R3HDM2: variants seen among roughly 807,000 people sequenced by gnomAD.
R3HDM2 encodes R3H domain-containing protein 2.
Under a neutral mutation model 124.5 loss-of-function variants are expected in R3HDM2, and 38 were observed. That is an observed-to-expected ratio of 0.31 (90% CI 0.24 to 0.40). The LOEUF (loss-of-function observed/expected upper bound fraction) is 0.40. R3HDM2 is among the 10% of genes least tolerant of loss of function. The probability of loss-of-function intolerance (pLI) is 1.00; values close to 1 mark genes in which losing one functional copy is unlikely to be tolerated. For synonymous variants in R3HDM2, 391 were observed against 448.0 expected, an observed-to-expected ratio of 0.87 and a Z score of 1.61; for missense variants, 869 against 1,236.9, an observed-to-expected ratio of 0.70 and a Z score of 4.46.
At chr12:57,353,873 TGAGA>T (rs1478823910) in intron 2 of R3HDM2, among the ~76,000 whole-genome samples, 2 of 152,212 alleles carry the variant, frequency 1.3e-5, no homozygotes, top group Non-Finnish European at 2.9e-5. Context: ...TTTATTTTTT[TGAGA>T]AAGAGTCTCG....
In R3HDM2 at chr12:57,284,051, T is replaced by G. The variant is rs1264278054; in HGVS notation, c.944A>C (p.Asn315Thr). The G allele has an allele frequency of 1.3e-6, 2 of 1,594,990 alleles. No homozygotes were observed. The highest frequency in any genetic ancestry group is 1.7e-6 in the Non-Finnish European group (2 of 1,170,962). ...QNGYLNDIRG[N>T]REGLSRTSSS... is the part of the protein sequence containing the mutation. ...TGAGGTGCGGCTCAGTCCTTCACGG[T>G]TCCCCCTGCAGAGACCATAGTGGTC... is the stretch of plus-strand genomic sequence containing the variant. The change falls in exon 13 of 24, where the codon AAC (asparagine) becomes ACC (threonine). Residue 315 changes from asparagine to threonine, a missense_variant. Asn to Thr is a moderately conservative substitution (Grantham distance 65). This residue lies in a region of R3HDM2 where 267 missense variants were observed against 447.7 expected (regional missense o/e 0.60). Transcript: ENST00000402412.
At chr12:57,281,940 G>A (rs550496709) in intron 13 of R3HDM2, among the ~76,000 whole-genome samples, 6 of 152,296 alleles carry the variant, frequency 3.9e-5, no homozygotes, top group African/African-American at 1.4e-4. Flanking sequence ...ATTTAAAGAG[G>A]GGTCAGCAGG....
intron 2 of R3HDM2, among the ~76,000 whole-genome samples, chr12:57,366,512 C>G (rs867594377): frequency 6.6e-6 from 1 of 152,310 alleles, no homozygotes. Flanking sequence ...ACTTAACATG[C>G]ATTCTCTGAA....
intron 2 of R3HDM2, among the ~76,000 whole-genome samples, chr12:57,340,214 G>T (rs955963400): frequency 6.6e-6 from 1 of 152,136 alleles, no homozygotes; most frequent in African/African-American, 2.4e-5. Context: ...TAATTTCACA[G>T]CAGTTTTCTT....
At chr12:57,316,291 G>C (rs1447125206) in intron 2 of R3HDM2, among the ~76,000 whole-genome samples, 1 of 152,180 alleles carries the variant, frequency 6.6e-6, no homozygotes, top group African/African-American at 2.4e-5. Flanking sequence ...TACATGATCA[G>C]GGAAGGAGAC....
At chr12:57,275,607 G>A (rs575368541) in intron 14 of R3HDM2, among the ~76,000 whole-genome samples, 6 of 150,664 alleles carry the variant, frequency 4.0e-5, no homozygotes, top group African/African-American at 1.5e-4. Flanking sequence ...AATCTACGAC[G>A]AACTCAAATA....
At chr12:57,325,205 C>T (rs370114823) in intron 2 of R3HDM2, among the ~76,000 whole-genome samples, 17 of 152,264 alleles carry the variant, frequency 1.1e-4, no homozygotes, top group African/African-American at 3.9e-4. Flanking sequence ...TGCAGTGGCA[C>T]GATCTCGGCT....
At chr12:57,347,469 G>A (rs917942559) in intron 2 of R3HDM2, among the ~76,000 whole-genome samples, 3 of 151,788 alleles carry the variant, frequency 2.0e-5, no homozygotes. Context: ...ATCACTCAAA[G>A]GCAAAACAAC....
intron 1 of R3HDM2, chr12:57,418,127 A>G: frequency 1.0e-6 from 1 of 982,270 alleles, no homozygotes; most frequent in African/African-American, 1.7e-5. Flanking sequence ...CTCTAATCCC[A>G]AACCTACCCT....
rs1213676825 is a variant in R3HDM2, at chr12:57,254,917, C to T, written c.2829G>A (p.Leu943=). 1 of 1,614,132 alleles carries T rather than the reference C, an allele frequency of 6.2e-7. No homozygotes were observed. The highest frequency in any genetic ancestry group is 1.7e-5 in the Admixed American group (1 of 60,020). The part of the protein sequence containing the change: ...ENGRHSDLAA[L]YTIVAVFPSP... Reference sequence around the variant, plus strand: ...TGGGGAACACAGCCACAATGGTGTACAAGGCAGCGAGGTCCGAGTGGCGGC... The same window carrying T: ...TGGGGAACACAGCCACAATGGTGTATAAGGCAGCGAGGTCCGAGTGGCGGC... Residue 943 remains leucine (L), a synonymous_variant, in exon 24 of 24, where the codon TTG becomes TTA. Coordinates refer to ENST00000402412, the MANE Select transcript of R3HDM2 (RefSeq NM_001394031.1).
chr12:57,414,755 C>G (rs529814899), intron 1 of R3HDM2, among the ~76,000 whole-genome samples: 46 of 151,348 alleles, frequency 3.0e-4, no homozygotes, highest in Non-Finnish European at 5.3e-4. Flanking sequence ...ATCACTTGTA[C>G]CCAGTAGGAG....
intron 13 of R3HDM2, among the ~76,000 whole-genome samples, chr12:57,283,455 T>G (rs1045513743): frequency 6.1e-4 from 93 of 152,298 alleles, no homozygotes; most frequent in African/African-American, 1.7e-3. Context: ...AAAGTAAATA[T>G]GGGCTGGGCG....
intron 19 of R3HDM2, among the ~76,000 whole-genome samples, chr12:57,260,013 C>T (rs530885928): frequency 1.3e-4 from 20 of 152,046 alleles, no homozygotes; most frequent in African/African-American, 4.6e-4. Flanking sequence ...GCTGTAATCC[C>T]GGCACTTTGG....
chr12:57,321,460 G>A (rs1009481742), intron 2 of R3HDM2, among the ~76,000 whole-genome samples: 9 of 152,090 alleles, frequency 5.9e-5, no homozygotes, highest in Admixed American at 2.6e-4. Context: ...AGACCAGCCT[G>A]ACCAACATGG....
intron 2 of R3HDM2, among the ~76,000 whole-genome samples, chr12:57,331,789 C>T (rs1187529084): frequency 6.6e-6 from 1 of 151,964 alleles, no homozygotes; most frequent in East Asian, 1.9e-4. Context: ...TGGCAGGCGC[C>T]TGTAGTACCA....
chr12:57,332,808 A>G (rs1389624252), intron 2 of R3HDM2, among the ~76,000 whole-genome samples: 1 of 152,216 alleles, frequency 6.6e-6, no homozygotes, highest in African/African-American at 2.4e-5. Flanking sequence ...TAGAGAATCT[A>G]AAATTGGTTT....
At chr12:57,262,894 A>G (rs1029370695) in intron 19 of R3HDM2, among the ~76,000 whole-genome samples, 1 of 152,216 alleles carries the variant, frequency 6.6e-6, no homozygotes. Flanking sequence ...CCTAGGATCA[A>G]CCAGGGTAAC....
chr12:57,273,257 A>G (rs1200436934), intron 14 of R3HDM2, among the ~76,000 whole-genome samples: 2 of 152,228 alleles, frequency 1.3e-5, no homozygotes, highest in Non-Finnish European at 2.9e-5. Flanking sequence ...GGAATAAAAT[A>G]TAAATAGCTT....
intron 1 of R3HDM2, among the ~76,000 whole-genome samples, chr12:57,403,667 G>A (rs1420280758): frequency 2.6e-5 from 4 of 151,786 alleles, no homozygotes; most frequent in Admixed American, 1.3e-4. Flanking sequence ...AAAATTAGCT[G>A]AGTGTGGTGG....
Sources: allele counts gnomAD v4.1 joint callset (sites outside exome capture counted in the v4.1 genomes callset), GRCh38; gene constraint gnomAD v4.1.1; regional missense constraint gnomAD v4.1.1; transcripts MANE v1.5; gene names NCBI Gene and HGNC (gene_info 2026-07-23, HGNC 2026-07-21).